The following LRP1B variants were observed in gnomAD, a reference collection of about 807,000 sequenced individuals.
LRP1B encodes low-density lipoprotein receptor-related protein 1B.
LRP1B carries 217 observed loss-of-function variants against 556.6 expected under a neutral mutation model. The ratio of observed to expected loss-of-function variants is 0.39; its 90% CI spans 0.35 to 0.44. The LOEUF is 0.44. Among genes scored for constraint, LRP1B ranks in the 20% least tolerant of loss-of-function variants. The probability of loss-of-function intolerance (pLI) is 1.00; values close to 1 mark genes in which losing one functional copy is unlikely to be tolerated. For missense variants in LRP1B, 5,053 were observed against 5,620.8 expected, an observed-to-expected ratio of 0.90 and a Z score of 3.23; for synonymous variants, 2,047 against 1,865.8, an observed-to-expected ratio of 1.10 and a Z score of -2.50.
chr2:141,623,535 T>C (rs1243576665), intron 2 of LRP1B, among the ~76,000 whole-genome samples: 1 of 152,082 alleles, frequency 6.6e-6, no homozygotes, highest in Non-Finnish European at 1.5e-5. Context: ...AAGATATAGG[T>C]TTTATAATTT....
chr2:140,487,516 C>A, intron 58 of LRP1B, 101 bp downstream of exon 58: 1 of 1,115,460 alleles, frequency 9.0e-7, no homozygotes, highest in Non-Finnish European at 1.3e-6. Flanking sequence ...CACCCTAATG[C>A]ATTTTATGAG....
chr2:141,609,165 T>A, intron 2 of LRP1B, among the ~76,000 whole-genome samples: 1 of 152,340 alleles, frequency 6.6e-6, no homozygotes, highest in Non-Finnish European at 1.5e-5. Flanking sequence ...AGATTTATTA[T>A]TTGCTAATTT....
intron 27 of LRP1B, among the ~76,000 whole-genome samples, chr2:140,853,727 C>T (rs1037305635): frequency 6.6e-6 from 1 of 152,068 alleles, no homozygotes; most frequent in Non-Finnish European, 1.5e-5. Flanking sequence ...ACAAAAAACT[C>T]ATTCTCCTAA....
At chr2:140,507,028 G>A in intron 52 of LRP1B, 110 bp from the exon 53 acceptor site, 1 of 1,157,736 alleles carries the variant, frequency 8.6e-7, no homozygotes, top group Non-Finnish European at 1.2e-6. Context: ...CATAGTTACT[G>A]AGAAAAAGAA....
chr2:141,003,375 A>C (rs1461348962), intron 15 of LRP1B, among the ~76,000 whole-genome samples: 20 of 152,024 alleles, frequency 1.3e-4, no homozygotes. Context: ...TAAAAGTCTA[A>C]ATTGTAAATT....
intron 87 of LRP1B, among the ~76,000 whole-genome samples, chr2:140,242,081 C>T (rs1680973051): frequency 6.6e-6 from 1 of 150,994 alleles, no homozygotes; most frequent in Non-Finnish European, 1.5e-5. Context: ...CATAGGAGAG[C>T]TAGTACAGCA....
At chr2:140,443,476 G>A (rs1686518534) in intron 65 of LRP1B, among the ~76,000 whole-genome samples, 1 of 152,198 alleles carries the variant, frequency 6.6e-6, no homozygotes, top group Admixed American at 6.5e-5. Flanking sequence ...AACTGGTACT[G>A]ACTTTATTCT....
intron 41 of LRP1B, among the ~76,000 whole-genome samples, chr2:140,651,107 C>A (rs947533868): frequency 1.3e-5 from 2 of 152,044 alleles, no homozygotes; most frequent in African/African-American, 4.8e-5. Flanking sequence ...TGGCCTTTAA[C>A]AGTTCTTTTT....
At chr2:140,440,364 T>A (rs1686372260) in intron 66 of LRP1B, among the ~76,000 whole-genome samples, 1 of 152,116 alleles carries the variant, frequency 6.6e-6, no homozygotes, top group Non-Finnish European at 1.5e-5. Flanking sequence ...TGTGAAATAG[T>A]GAAACACACC....
At chr2:140,562,582 AT>A (rs1187217011) in intron 43 of LRP1B, among the ~76,000 whole-genome samples, 1 of 151,658 alleles carries the variant, frequency 6.6e-6, no homozygotes, top group Admixed American at 6.6e-5. Context: ...GCCATTTGAG[AT>A]TTTTTTCTTT....
intron 2 of LRP1B, among the ~76,000 whole-genome samples, chr2:141,785,464 CTG>C (rs1450982404): frequency 6.6e-6 from 1 of 151,764 alleles, no homozygotes; most frequent in Non-Finnish European, 1.5e-5. Flanking sequence ...GGAAAGGAAA[CTG>C]TTAAAAGATT....
chr2:140,655,169 T>A (rs947456192), intron 41 of LRP1B, among the ~76,000 whole-genome samples: 1 of 152,098 alleles, frequency 6.6e-6, no homozygotes, highest in African/African-American at 2.4e-5. Flanking sequence ...AAATTTTTAA[T>A]CTTATTATAT....
chr2:140,482,572 T>C (rs1296222453), intron 59 of LRP1B, among the ~76,000 whole-genome samples: 4 of 152,116 alleles, frequency 2.6e-5, no homozygotes, highest in African/African-American at 9.6e-5. Context: ...GATAAAATTA[T>C]AGGAAAAATT....
chr2:140,768,313 T>C (rs921482782), intron 35 of LRP1B, among the ~76,000 whole-genome samples: 2 of 151,936 alleles, frequency 1.3e-5, no homozygotes, highest in Non-Finnish European at 2.9e-5. Context: ...AAGATTACAA[T>C]GATTCTTTTT....
chr2:140,463,741 T>C (rs1687418546), intron 60 of LRP1B, among the ~76,000 whole-genome samples: 1 of 152,184 alleles, frequency 6.6e-6, no homozygotes, highest in African/African-American at 2.4e-5. Context: ...TAGGTCACAG[T>C]GCAGGAAGAT....
At chr2:141,139,746 T>C (rs1195735044) in intron 7 of LRP1B, among the ~76,000 whole-genome samples, 2 of 151,156 alleles carry the variant, frequency 1.3e-5, no homozygotes, top group Non-Finnish European at 3.0e-5. Flanking sequence ...ATATTACTGG[T>C]AGAAATGTAA....
chr2:141,784,438 G>A (rs10460250), intron 2 of LRP1B, among the ~76,000 whole-genome samples: 85,156 of 151,644 alleles, frequency 0.56, 25,150 homozygotes, highest in African/African-American at 0.75. Context: ...GCTCTACAAC[G>A]CTAGTTATAA....
At chr2:140,378,113 G>C in intron 68 of LRP1B, 67 bp downstream of exon 68, 1 of 1,079,552 alleles carries the variant, frequency 9.3e-7, no homozygotes, top group Non-Finnish European at 1.4e-6. Context: ...TTATTGGACT[G>C]AATAATAATA....
intron 3 of LRP1B, among the ~76,000 whole-genome samples, chr2:141,268,473 A>G (rs186360514): frequency 6.6e-6 from 1 of 152,288 alleles, no homozygotes; most frequent in African/African-American, 2.4e-5. Context: ...ACTGTGCACT[A>G]ACAACTCCAG....
Sources: gnomAD v4.1 joint callset for allele counts (sites outside exome capture counted in the v4.1 genomes callset) on GRCh38, gnomAD v4.1.1 for gene constraint, MANE v1.5 for transcripts, NCBI Gene and HGNC (gene_info 2026-07-23, HGNC 2026-07-21) for gene names.